The following DGKD variants were observed in gnomAD, a reference collection of about 807,000 sequenced individuals.
The protein encoded by DGKD is DAG kinase delta.
In DGKD, 68 loss-of-function variants were observed where a neutral mutation model predicts 154.4. The observed-to-expected ratio is 0.44, with a 90% CI of 0.36 to 0.54. The LOEUF is 0.54. DGKD is among the 20% of genes least tolerant of loss of function. The pLI is 0.00. For synonymous variants in DGKD, 693 were observed against 638.0 expected (o/e 1.09, Z -1.30); for missense variants, 1,343 against 1,593.6 (o/e 0.84, Z 2.68).
At position 233,440,353 on chromosome 2, in the gene DGKD, A is replaced by G. The variant is rs2062844807; in HGVS notation, c.1086-1534A>G. 6.6e-6 allele frequency among the ~76,000 whole-genome samples: 1 copy of G among 151,990 alleles called. No individual in the cohort carries two copies. The highest frequency in any genetic ancestry group is 1.5e-5 in the Non-Finnish European group (1 of 67,988). ...ACCTATGCCTGTCTGTCTTCTGAGCACTCATTCTGGGTCAGACACTGAGCT... is the reference window on the plus strand; with the variant it reads ...ACCTATGCCTGTCTGTCTTCTGAGCGCTCATTCTGGGTCAGACACTGAGCT... On this transcript the variant is annotated intron_variant, in intron 9 of 29. Transcript: ENST00000264057. This position sits in a 1 kb window ranked among gnomAD's most constrained non-coding sequence, Gnocchi z 4.9.
chr2:233,382,497 C>CT (rs927047767), intron 1 of DGKD, among the ~76,000 whole-genome samples: 3 of 151,366 alleles, frequency 2.0e-5, no homozygotes, highest in Non-Finnish European at 2.9e-5. Context: ...CTTTCTGCTA[C>CT]TTTTTTTTTG....
chr2:233,394,449 G>T (rs1330424230), intron 3 of DGKD, among the ~76,000 whole-genome samples: 1 of 151,796 alleles, frequency 6.6e-6, no homozygotes, highest in Non-Finnish European at 1.5e-5. Flanking sequence ...TCGCTATGTT[G>T]CTCAGGCTGG....
intron 18 of DGKD, among the ~76,000 whole-genome samples, chr2:233,453,167 T>C (rs1054599367): frequency 1.3e-5 from 2 of 152,152 alleles, no homozygotes; most frequent in Non-Finnish European, 2.9e-5. Context: ...GGTGGTCTCA[T>C]CTCTTCTTTT....
chr2:233,433,238 A>G (rs2062587715), intron 3 of DGKD, among the ~76,000 whole-genome samples: 1 of 152,256 alleles, frequency 6.6e-6, no homozygotes, highest in African/African-American at 2.4e-5. Context: ...ACATATACAC[A>G]TGGAGTACTA....
chr2:233,367,646 A>G (rs1430293441), intron 1 of DGKD, among the ~76,000 whole-genome samples: 1 of 151,860 alleles, frequency 6.6e-6, no homozygotes, highest in Non-Finnish European at 1.5e-5. Context: ...TATCTCCTAT[A>G]TTTCCTATAA....
At chr2:233,400,768 G>A (rs533312752) in intron 3 of DGKD, among the ~76,000 whole-genome samples, 4 of 152,274 alleles carry the variant, frequency 2.6e-5, no homozygotes, top group East Asian at 1.9e-4. Flanking sequence ...TGCTGTTCCC[G>A]GAGAGCTAGA....
chr2:233,430,084 G>T (rs2062458873), intron 3 of DGKD, among the ~76,000 whole-genome samples: 1 of 152,190 alleles, frequency 6.6e-6, no homozygotes, highest in African/African-American at 2.4e-5. Flanking sequence ...AACATATTTT[G>T]TTTTTGAATC....
chr2:233,447,498 T>G (rs898390536), intron 12 of DGKD: 51 of 985,134 alleles, frequency 5.2e-5, no homozygotes, highest in Non-Finnish European at 5.9e-5. Context: ...GTTTGTACAT[T>G]TTTTATTTTT....
chr2:233,390,341 G>A, intron 2 of DGKD, 62 bp from the exon 3 acceptor site: 1 of 1,328,020 alleles, frequency 7.5e-7, no homozygotes, highest in Non-Finnish European at 1.1e-6. Flanking sequence ...GGCAGCGCTG[G>A]CTAGTGCTTA....
In DGKD at chr2:233,441,766, T is replaced by C. The variant is rs2062898456; in HGVS notation, c.1086-121T>C. On this transcript the variant is annotated intron_variant, in intron 9 of 29. Transcript: ENST00000264057. This position sits in a 1 kb window ranked among gnomAD's most constrained non-coding sequence, Gnocchi z 5.6. Reference sequence around the variant, plus strand: ...GTCACGTGGCAGGGCCTGTGCGTGCTCTGCCTCTGGTGCAGGTCAGCCATG... The same window carrying C: ...GTCACGTGGCAGGGCCTGTGCGTGCCCTGCCTCTGGTGCAGGTCAGCCATG... 3 of 861,528 alleles carry C rather than the reference T, an allele frequency of 3.5e-6. No individual in the cohort carries two copies. The highest frequency in any genetic ancestry group is 3.7e-6 in the Non-Finnish European group (2 of 544,284). The allele number at this position is 861,528 out of a possible 1,614,324, so 53.4% of individuals were successfully genotyped here.
chr2:233,369,735 C>T (rs550265196), intron 1 of DGKD, among the ~76,000 whole-genome samples: 2 of 152,312 alleles, frequency 1.3e-5, no homozygotes, highest in East Asian at 3.9e-4. Flanking sequence ...GGCTGTGTCT[C>T]TGCTGCTCTG....
intron 3 of DGKD, among the ~76,000 whole-genome samples, chr2:233,396,974 G>GC (rs1704100909): frequency 2.5e-5 from 3 of 118,496 alleles, no homozygotes; most frequent in Admixed American, 8.3e-5. Flanking sequence ...AGGGTGGCTG[G>GC]GGGGGGCAGA....
In DGKD at chr2:233,441,811, C is replaced by A; in HGVS notation, c.1086-76C>A. The A allele has an allele frequency of 7.0e-7, 1 of 1,420,140 alleles. No individual in the cohort carries two copies. Among genetic ancestry groups the A allele is most frequent in the Non-Finnish European group, 9.8e-7 (1 of 1,022,082 alleles). The allele number at this position is 1,420,140 out of a possible 1,614,324, so 88.0% of individuals were successfully genotyped here. Reference sequence around the variant, plus strand: ...GCCATGAGGAGCACAGGTGGCCCCTCAGCCCCGTACTGACAAGCCTGTCAT... The same window carrying A: ...GCCATGAGGAGCACAGGTGGCCCCTAAGCCCCGTACTGACAAGCCTGTCAT... On this transcript the variant is annotated intron_variant, in intron 9 of 29. Coordinates refer to ENST00000264057, the MANE Select transcript of DGKD (RefSeq NM_152879.3). The surrounding 1 kb of genome is among the most constrained non-coding windows in gnomAD (Gnocchi z 5.6).
intron 1 of DGKD, among the ~76,000 whole-genome samples, chr2:233,361,885 T>A (rs1701798791): frequency 6.6e-6 from 1 of 152,110 alleles, no homozygotes; most frequent in African/African-American, 2.4e-5. Flanking sequence ...AACCTTTGCC[T>A]CCTGGGTTCA....
chr2:233,463,476 C>A (rs552310675), intron 26 of DGKD, among the ~76,000 whole-genome samples: 1 of 111,702 alleles, frequency 9.0e-6, no homozygotes, highest in Non-Finnish European at 1.7e-5. Flanking sequence ...CCTCACTGCA[C>A]GCATGTCCTC....
rs142472360 is a variant in DGKD at position 233,464,274 on chromosome 2, C to T, written c.3297C>T (p.Gly1099=). 179 of 1,613,470 alleles carry T rather than the reference C, an allele frequency of 1.1e-4. No individual in the cohort carries two copies. The African/African-American group carries it at 1.9e-3, about 18-fold the overall frequency. ...TPWLCQSAEP[G]DEESVMLDLA... is the part of the protein sequence containing the mutation. ...GGCTCTGCCAGTCCGCAGAGCCCGG[C>T]GACGAAGAGGTATGTGGCTCATAGG... is the stretch of plus-strand genomic sequence containing the variant. The change falls in exon 27 of 30, where the codon GGC becomes GGT. Residue 1099 remains glycine (G), a synonymous_variant. Transcript: ENST00000264057.
chr2:233,374,361 G>T (rs976957253), intron 1 of DGKD, among the ~76,000 whole-genome samples: 1 of 146,346 alleles, frequency 6.8e-6, no homozygotes, highest in Non-Finnish European at 1.5e-5. Flanking sequence ...TTGACACGGG[G>T]TCTCGCCCTG....
chr2:233,379,051 T>C (rs1446267568), intron 1 of DGKD, among the ~76,000 whole-genome samples: 1 of 152,192 alleles, frequency 6.6e-6, no homozygotes. Context: ...CAAAACTTCC[T>C]GAGGCACTGG....
At chr2:233,358,880 T>C (rs1188752894) in intron 1 of DGKD, among the ~76,000 whole-genome samples, 1 of 152,218 alleles carries the variant, frequency 6.6e-6, no homozygotes, top group Non-Finnish European at 1.5e-5. Context: ...TGTTTTTGTG[T>C]GGACATAGGT....
Sources: gnomAD v4.1 joint callset for allele counts (sites outside exome capture counted in the v4.1 genomes callset) on GRCh38, gnomAD v4.1.1 for gene constraint, Gnocchi (gnomAD v3.1) non-coding constraint, MANE v1.5 for transcripts, NCBI Gene and HGNC (gene_info 2026-07-23, HGNC 2026-07-21) for gene names.